PCNX2: variants seen among roughly 807,000 people sequenced by gnomAD.
The protein encoded by PCNX2 is pecanex 2.
PCNX2 carries 168 observed loss-of-function variants against 223.8 expected under a neutral mutation model. The observed-to-expected ratio is 0.75, with a 90% confidence interval of 0.66 to 0.85. The LOEUF is 0.85. Among genes scored for constraint, PCNX2 ranks in the 40% least tolerant of loss-of-function variants. The probability of loss-of-function intolerance (pLI) is 0.00; values close to 1 mark genes in which losing one functional copy is unlikely to be tolerated. For missense variants in PCNX2, 2,507 were observed against 2,675.5 expected (o/e 0.94, Z 1.39); for synonymous variants, 1,006 against 1,052.6 (o/e 0.96, Z 0.86).
the PCNX2 span, among the ~76,000 whole-genome samples, chr1:233,305,494 G>A: frequency 6.6e-6 from 1 of 152,134 alleles, no homozygotes; most frequent in Non-Finnish European, 1.5e-5. Context: ...CACCCAGGCT[G>A]GAGTGAAGTG....
At chr1:233,167,911 G>A in intron 17 of PCNX2, 1 of 769,852 alleles carries the variant, frequency 1.3e-6, no homozygotes, top group Non-Finnish European at 1.6e-6. Context: ...TTTTCAGGTA[G>A]GTATATTTTA....
At chr1:233,206,293 T>C (rs1019002216) in intron 13 of PCNX2, among the ~76,000 whole-genome samples, 1 of 151,996 alleles carries the variant, frequency 6.6e-6, no homozygotes, top group African/African-American at 2.4e-5. Flanking sequence ...TATTTTATGC[T>C]TTCTCCTTCT....
chr1:233,131,412 T>G (rs1022452458), intron 21 of PCNX2, among the ~76,000 whole-genome samples: 2 of 152,090 alleles, frequency 1.3e-5, no homozygotes, highest in African/African-American at 4.8e-5. Context: ...ATGAGCAGAA[T>G]GAAAAGGAGC....
At chr1:233,047,486 C>T in intron 25 of PCNX2, 1 of 795,346 alleles carries the variant, frequency 1.3e-6, no homozygotes, top group Non-Finnish European at 1.5e-6. Flanking sequence ...TAGGTTAGCT[C>T]TAAAAGATTT....
At chr1:233,250,546 T>C in intron 8 of PCNX2, 193 bp downstream of exon 8, 1 of 984,380 alleles carries the variant, frequency 1.0e-6, no homozygotes, top group Non-Finnish European at 1.2e-6. Flanking sequence ...GCAGCAACAA[T>C]GAAAATGGTT....
intron 25 of PCNX2, chr1:233,032,193 C>A (rs754115383): frequency 1.0e-5 from 5 of 492,390 alleles, no homozygotes; most frequent in Non-Finnish European, 1.3e-5. Flanking sequence ...ACCTCCGCCT[C>A]CCGGGTTCAA....
chr1:233,209,049 G>C (rs1243322251), intron 12 of PCNX2, among the ~76,000 whole-genome samples: 1 of 151,994 alleles, frequency 6.6e-6, no homozygotes, highest in South Asian at 2.1e-4. Flanking sequence ...TTCATTCCAA[G>C]TGCAAAACTA....
chr1:233,245,923 A>AAAACAAAC (rs113393986), intron 8 of PCNX2, among the ~76,000 whole-genome samples: 9,376 of 151,994 alleles, frequency 0.062, 857 homozygotes, highest in African/African-American at 0.2. Flanking sequence ...CTCAAAAAAC[A>AAAACAAAC]AAACAAACAA....
At chr1:233,070,905 C>A (rs1368002091) in intron 23 of PCNX2, among the ~76,000 whole-genome samples, 2 of 151,984 alleles carry the variant, frequency 1.3e-5, no homozygotes, top group Admixed American at 6.6e-5. Flanking sequence ...GGTTTGGTGG[C>A]GGGCGCCTGT....
chr1:233,129,800 CA>C (rs1474652367), intron 21 of PCNX2, among the ~76,000 whole-genome samples: 1 of 152,168 alleles, frequency 6.6e-6, no homozygotes, highest in Non-Finnish European at 1.5e-5. Flanking sequence ...CTCCATAAAC[CA>C]GACCAATCAG....
At chr1:233,179,301 G>C (rs1679662502) in intron 15 of PCNX2, 126 bp from the exon 16 acceptor site, 1 of 979,302 alleles carries the variant, frequency 1.0e-6, no homozygotes, top group Non-Finnish European at 1.5e-6. Flanking sequence ...GATTATTCCT[G>C]CCCACGGACA....
chr1:233,317,773 T>C, the PCNX2 span, among the ~76,000 whole-genome samples: 8 of 152,350 alleles, frequency 5.3e-5, no homozygotes, highest in East Asian at 3.9e-4. Flanking sequence ...GTATTAGCAC[T>C]AGTTAAATGC....
chr1:233,260,138 G>C (rs1397552991), intron 4 of PCNX2, among the ~76,000 whole-genome samples: 1 of 152,084 alleles, frequency 6.6e-6, no homozygotes, highest in Non-Finnish European at 1.5e-5. Context: ...ATTTGACTAA[G>C]GAAAAAACAG....
chr1:233,229,000 G>A (rs1319698195), intron 9 of PCNX2, among the ~76,000 whole-genome samples: 2 of 152,208 alleles, frequency 1.3e-5, no homozygotes, highest in Non-Finnish European at 2.9e-5. Flanking sequence ...AGCAGCGGTG[G>A]AGGTGACATT....
At chr1:233,146,345 A>G (rs1179507973) in intron 19 of PCNX2, among the ~76,000 whole-genome samples, 2 of 152,170 alleles carry the variant, frequency 1.3e-5, no homozygotes, top group South Asian at 4.1e-4. Flanking sequence ...ATTCTGGATA[A>G]TTACATTTAA....
chr1:233,293,348 G>T (rs558957164), intron 1 of PCNX2, among the ~76,000 whole-genome samples: 1 of 152,312 alleles, frequency 6.6e-6, no homozygotes, highest in South Asian at 2.1e-4. Flanking sequence ...AGACACACAA[G>T]TTAATTATAT....
chr1:233,070,885 A>C (rs1167311718), intron 23 of PCNX2, among the ~76,000 whole-genome samples: 2 of 151,948 alleles, frequency 1.3e-5, no homozygotes, highest in Admixed American at 1.3e-4. Context: ...AAATACAAAA[A>C]AATTAGCCAG....
chr1:233,316,191 T>C, the PCNX2 span, among the ~76,000 whole-genome samples: 3 of 152,180 alleles, frequency 2.0e-5, no homozygotes, highest in Admixed American at 1.3e-4. Flanking sequence ...TGTCCACTGA[T>C]TAAAGTTACA....
intron 15 of PCNX2, among the ~76,000 whole-genome samples, chr1:233,193,580 G>C (rs1680541164): frequency 6.6e-6 from 1 of 152,146 alleles, no homozygotes; most frequent in Admixed American, 6.5e-5. Context: ...TTCAGATGTA[G>C]AAATCCACAA....
Sources: gnomAD v4.1 joint callset for allele counts (sites outside exome capture counted in the v4.1 genomes callset) on GRCh38, gnomAD v4.1.1 for gene constraint, MANE v1.5 for transcripts, NCBI Gene and HGNC (gene_info 2026-07-23, HGNC 2026-07-21) for gene names.